MAGEL2: variants seen among roughly 807,000 people sequenced by gnomAD.
MAGEL2 encodes MAGE-like protein 2.
For missense variants in MAGEL2, 1,830 were observed against 1,699.2 expected (o/e 1.08, Z -1.35); for synonymous variants, 792 against 721.7 (o/e 1.10, Z -1.56).
rs772078014 is a variant in MAGEL2 at position 23,644,822 on chromosome 15, C to T, written c.2921G>A (p.Ser974Asn). The T allele has an allele frequency of 1.9e-6, 3 of 1,612,714 alleles. No individual in the cohort carries two copies. In the South Asian group the frequency reaches 3.3e-5, roughly 18 times the overall value. ...AGAGAGACCCAGGGCCCTGGAGGTG[C>T]TCGGGCCCTCCCAGGCACTCAGGGC... ...SWALSAWEGP[S>N]TSRALGLSES... is the part of the protein sequence containing the mutation. Residue 974 changes from serine to asparagine, a missense_variant, in exon 1 of 1, where the codon AGC becomes AAC. Transcript: ENST00000650528.
Position 23,644,137 on chromosome 15 carries a change from G to C in MAGEL2, c.3606C>G (p.Ala1202=), listed in dbSNP as rs1290056888. 6.2e-7 allele frequency: 1 copy of C among 1,613,926 alleles called. No individual in the cohort carries two copies. The highest frequency in any genetic ancestry group is 2.2e-5 in the East Asian group (1 of 44,882). ...TCTGTGGATCTTTCTTATGGAGCTT[G>C]GCCAAAAACCTCAGGACAAGCATCT... ...TSKMLVLRFL[A]KLHKKDPQSW... The change falls in exon 1 of 1, where the codon GCC becomes GCG. Residue 1202 remains alanine (A), a synonymous_variant. Transcript: ENST00000650528.
In MAGEL2 at chr15:23,645,772, T is replaced by C. The variant is rs755149237; in HGVS notation, c.1971A>G (p.Lys657=). 3.2e-6 allele frequency: 5 copies of C among 1,584,348 alleles called. No individual in the cohort carries two copies. Among genetic ancestry groups the C allele is most frequent in the East Asian group, 4.5e-5 (2 of 44,142 alleles). The stretch of plus-strand genomic sequence containing the variant: ...GGGGGGGTAGCTGGATTTGCACGGC[T>C]TTTTGGGAGGGCGGGGCTCCCTGAA... ...QPFQGAPPSQ[K]AVQIQLPPQQ... is the part of the protein sequence containing the mutation. The change falls in exon 1 of 1, where the codon AAA becomes AAG. Residue 657 remains lysine (K), a synonymous_variant. Transcript: ENST00000650528.
At position 23,646,043 on chromosome 15, in the gene MAGEL2, G is replaced by A. The variant is rs1234471459; in HGVS notation, c.1700C>T (p.Pro567Leu). ...AGACAGTGGGGCAGACAGCGGGGCC[G>A]GCAGCACAGGCTGGGGCACCTGCGG... ...AGPQVPQPVL[P>L]APLSAPLSAP... Residue 567 changes from proline to leucine, a missense_variant, in exon 1 of 1, where the codon CCG becomes CTG. Coordinates refer to ENST00000650528, the MANE Select transcript of MAGEL2 (RefSeq NM_019066.5). The surrounding 1 kb of genome is among the most constrained non-coding windows in gnomAD (Gnocchi z 4.2). 3 of 1,535,338 alleles carry A rather than the reference G, an allele frequency of 2.0e-6. No homozygotes were observed. The highest frequency in any genetic ancestry group is 1.8e-6 in the Non-Finnish European group (2 of 1,141,658).
chr15:23,645,753 G>C lies in MAGEL2; in HGVS notation c.1990C>G (p.Pro664Ala). ...CCCGATGCCTGGGCCTGCTGGGGGG[G>C]TAGCTGGATTTGCACGGCTTTTTGG... ...PSQKAVQIQL[P>A]PQQAQASGPQ... Residue 664 changes from proline (P) to alanine (A), a missense_variant, in exon 1 of 1, where the codon CCC becomes GCC. By Grantham distance (27) the Pro-to-Ala change is conservative. Coordinates refer to ENST00000650528, the MANE Select transcript of MAGEL2 (RefSeq NM_019066.5). 6.3e-7 allele frequency: 1 copy of C among 1,576,430 alleles called. No homozygotes were observed. The highest frequency in any genetic ancestry group is 8.6e-7 in the Non-Finnish European group (1 of 1,162,772).
At position 23,646,656 on chromosome 15, in the gene MAGEL2, C is replaced by G; in HGVS notation, c.1087G>C (p.Ala363Pro). ...GTCGCCTGCCAGCCCGGGGGTGTGG[C>G]TAGCTGCGCTGGGGGTGCCTGCGGG... The part of the protein sequence containing the change: ...QGPQAPPAQL[A>P]TPPGWQATSP... The change falls in exon 1 of 1, where the codon GCC (alanine) becomes CCC (proline). Residue 363 changes from alanine to proline, a missense_variant. Ala to Pro is a conservative substitution (Grantham distance 27). Coordinates refer to ENST00000650528, the MANE Select transcript of MAGEL2 (RefSeq NM_019066.5). The surrounding 1 kb of genome is among the most constrained non-coding windows in gnomAD (Gnocchi z 4.2). The G allele has an allele frequency of 6.7e-7, 1 of 1,495,342 alleles. No individual in the cohort carries two copies. The highest frequency in any genetic ancestry group is 2.1e-5 in the Admixed American group (1 of 46,848). 92.6% of individuals were successfully genotyped at this position (1,495,342 alleles called of 1,614,324 possible).
chr15:23,644,259 C>A lies in MAGEL2; in HGVS notation c.3484G>T (p.Val1162Phe). 2 of 1,613,802 alleles carry A rather than the reference C, an allele frequency of 1.2e-6. No homozygotes were observed. Among genetic ancestry groups the A allele is most frequent in the Non-Finnish European group, 1.7e-6 (2 of 1,179,886 alleles). The change falls in exon 1 of 1, where the codon GTC becomes TTC. Residue 1162 changes from valine (V) to phenylalanine (F), a missense_variant. Val to Phe is a conservative substitution (Grantham distance 50, BLOSUM62 -1). Transcript: ENST00000650528. ...CTGTACTCTAGGTACTTCTGCCTGA[C>A]AAACACTTCGGTGATGAGCTTCTTA... ...NTKKLITEVF[V>F]RQKYLEYRRI...
In MAGEL2 at chr15:23,644,959, G is replaced by A. The variant is rs189752384; in HGVS notation, c.2784C>T (p.Ile928=). The change falls in exon 1 of 1, where the codon ATC becomes ATT. Residue 928 remains isoleucine, a synonymous_variant. Coordinates refer to ENST00000650528, the MANE Select transcript of MAGEL2 (RefSeq NM_019066.5). ...NLSDWEVQSP[I]QVSGDWEHPN... is the part of the protein sequence containing the mutation. ...GGTGCTCCCAGTCACCCGAGACCTG[G>A]ATAGGGCTTTGGACCTCCCAGTCAC... 7,421 of 1,613,778 alleles carry A rather than the reference G, an allele frequency of 4.6e-3. 31 individuals carry two copies. Among genetic ancestry groups the A allele is most frequent in the Non-Finnish European group, 5.9e-3 (6,985 of 1,179,892 alleles).
chr15:23,647,368 C>T lies in MAGEL2; in HGVS notation c.375G>A (p.Pro125=), dbSNP rs1209191569. 5 of 1,536,350 alleles carry T rather than the reference C, an allele frequency of 3.3e-6. No individual in the cohort carries two copies. The highest frequency in any genetic ancestry group is 2.4e-5 in the East Asian group (1 of 40,820). ...PGAPMAQPPT[P]GVLMVHPSAP... ...CTGAAGGATGCACCATCAGGACTCC[C>T]GGGGTCGGAGGCTGGGCCATCGGGG... The change falls in exon 1 of 1, where the codon CCG becomes CCA. Residue 125 remains proline, a synonymous_variant. Transcript: ENST00000650528.
rs9785 is a variant in MAGEL2 at position 23,643,886 on chromosome 15, G to C, written c.*107C>G. 7.8e-7 allele frequency: 1 copy of C among 1,278,734 alleles called. No individual in the cohort carries two copies. Among genetic ancestry groups the C allele is most frequent in the Non-Finnish European group, 1.0e-6 (1 of 965,686 alleles). 79.2% of individuals were successfully genotyped at this position (1,278,734 alleles called of 1,614,324 possible). ...ACGAAACCAAGTTGAAAATCCAAAC[G>C]TACACTCGTGGAACTGGAACACAAA... On this transcript the variant is annotated 3_prime_UTR_variant, in exon 1 of 1. Transcript: ENST00000650528.
Position 23,647,449 on chromosome 15 carries a change from C to G in MAGEL2, c.294G>C (p.Pro98=). The G allele has an allele frequency of 6.5e-7, 1 of 1,535,160 alleles. No homozygotes were observed. Among genetic ancestry groups the G allele is most frequent in the East Asian group, 2.4e-5 (1 of 40,882 alleles). Reference sequence around the variant, plus strand: ...CCCCGGGAGTCGGAGGCTTACCCATCGGGCCCCCCAGCGGGGGAGCCGGGA... The same window carrying G: ...CCCCGGGAGTCGGAGGCTTACCCATGGGGCCCCCCAGCGGGGGAGCCGGGA... ...PIVPAPPLGG[P]MGKPPTPGVL... Residue 98 remains proline, a synonymous_variant, in exon 1 of 1, where the codon CCG becomes CCC. Coordinates refer to ENST00000650528, the MANE Select transcript of MAGEL2 (RefSeq NM_019066.5).
At position 23,645,122 on chromosome 15, in the gene MAGEL2, G is replaced by A. The variant is rs1890366558; in HGVS notation, c.2621C>T (p.Thr874Ile). Residue 874 changes from threonine (T) to isoleucine (I), a missense_variant, in exon 1 of 1, where the codon ACC becomes ATC. By Grantham distance (89) the Thr-to-Ile change is moderately conservative (BLOSUM62 -1). Coordinates refer to ENST00000650528, the MANE Select transcript of MAGEL2 (RefSeq NM_019066.5). ...ATATTQEASK[T>I]SVEPPRRSGK... ...GGAGCGGCGTGGCGGCTCGACGGAG[G>A]TCTTGGAGGCCTCTTGAGTGGTGGC... is the stretch of plus-strand genomic sequence containing the variant. The A allele has an allele frequency of 2.5e-6, 4 of 1,613,682 alleles. No homozygotes were observed. Among genetic ancestry groups the A allele is most frequent in the Non-Finnish European group, 2.5e-6 (3 of 1,179,910 alleles).
Position 23,645,104 on chromosome 15 carries a change from C to G in MAGEL2, c.2639G>C (p.Arg880Pro). The G allele has an allele frequency of 6.2e-7, 1 of 1,613,830 alleles. No homozygotes were observed. Among genetic ancestry groups the G allele is most frequent in the Non-Finnish European group, 8.5e-7 (1 of 1,179,900 alleles). ...CTTCCGGGTGGCCTTGCCGGAGCGG[C>G]GTGGCGGCTCGACGGAGGTCTTGGA... ...EASKTSVEPP[R>P]RSGKATRKKK... Residue 880 changes from arginine to proline, a missense_variant, in exon 1 of 1, where the codon CGC becomes CCC. Physicochemically the swap from Arg to Pro is moderately radical, Grantham distance 103. Transcript: ENST00000650528.
In MAGEL2 at chr15:23,647,668, G is replaced by A; in HGVS notation, c.75C>T (p.Arg25=). The A allele has an allele frequency of 1.3e-6, 2 of 1,530,526 alleles. No homozygotes were observed. The highest frequency in any genetic ancestry group is 1.7e-6 in the Non-Finnish European group (2 of 1,144,852). The allele number at this position is 1,530,526 out of a possible 1,614,324, so 94.8% of individuals were successfully genotyped here. The change falls in exon 1 of 1, where the codon CGC becomes CGT. Residue 25 remains arginine (R), a synonymous_variant. Coordinates refer to ENST00000650528, the MANE Select transcript of MAGEL2 (RefSeq NM_019066.5). ...GCGGGGCCCGCATCAGAACCGTAGGGCGGCTATAGACAGGCGGCTTCGGGG... is the reference window on the plus strand; with the variant it reads ...GCGGGGCCCGCATCAGAACCGTAGGACGGCTATAGACAGGCGGCTTCGGGG... ...AEAPKPPVYS[R]PTVLMRAPPA...
Position 23,646,248 on chromosome 15 carries a change from G to A in MAGEL2, c.1495C>T (p.Pro499Ser). The change falls in exon 1 of 1, where the codon CCC becomes TCC. Residue 499 changes from proline to serine, a missense_variant. Physicochemically the swap from Pro to Ser is moderately conservative, Grantham distance 74. Coordinates refer to ENST00000650528, the MANE Select transcript of MAGEL2 (RefSeq NM_019066.5). The surrounding 1 kb of genome is among the most constrained non-coding windows in gnomAD (Gnocchi z 4.2). ...AGGACCTGTGGGGCAGGTCGGATGG[G>A]CGGCGGCGCCTGGCGGATCAGCGGC... The part of the protein sequence containing the change: ...APPLIRQAPP[P>S]IRPAPQVLAT... 7.4e-7 allele frequency: 1 copy of A among 1,359,930 alleles called. No individual in the cohort carries two copies. Among genetic ancestry groups the A allele is most frequent in the South Asian group, 1.9e-5 (1 of 53,704 alleles). 84.2% of individuals were successfully genotyped at this position (1,359,930 alleles called of 1,614,324 possible). A position where few individuals can be genotyped will look rare whatever the true frequency, so the allele number is the denominator to read the frequency against.
In MAGEL2 at chr15:23,646,131, C is replaced by T; in HGVS notation, c.1612G>A (p.Ala538Thr). The change falls in exon 1 of 1, where the codon GCG becomes ACG. Residue 538 changes from alanine to threonine, a missense_variant. Ala to Thr is a moderately conservative substitution (Grantham distance 58, BLOSUM62 0). Coordinates refer to ENST00000650528, the MANE Select transcript of MAGEL2 (RefSeq NM_019066.5). The surrounding 1 kb of genome is among the most constrained non-coding windows in gnomAD (Gnocchi z 4.2). ...GGGGCCGTAGGCACCTGCGGCGCCGCCTGCACCTGCGGGGCCGGCAGCCTA... is the reference window on the plus strand; with the variant it reads ...GGGGCCGTAGGCACCTGCGGCGCCGTCTGCACCTGCGGGGCCGGCAGCCTA... ...QARLPAPQVQ[A>T]APQVPTAPPA... is the part of the protein sequence containing the mutation. The T allele has an allele frequency of 7.4e-7, 1 of 1,353,250 alleles. No homozygotes were observed. Among genetic ancestry groups the T allele is most frequent in the Non-Finnish European group, 9.4e-7 (1 of 1,061,208 alleles). The allele number at this position is 1,353,250 out of a possible 1,614,324, so 83.8% of individuals were successfully genotyped here.
Position 23,645,654 on chromosome 15 carries a change from G to T in MAGEL2, c.2089C>A (p.Pro697Thr). Residue 697 changes from proline to threonine, a missense_variant, in exon 1 of 1, where the codon CCC (proline) becomes ACC (threonine). Physicochemically the swap from Pro to Thr is conservative, Grantham distance 38. Coordinates refer to ENST00000650528, the MANE Select transcript of MAGEL2 (RefSeq NM_019066.5). The stretch of plus-strand genomic sequence containing the variant: ...TTTGCCGCTGCTACCGGGGGTCCGG[G>T]CTGGGCCTGCAAGACTGCAGGCGGT... ...QAPPAVLQAQPGPPVAAANFP... is the reference protein window; with the variant it reads ...QAPPAVLQAQTGPPVAAANFP... 1 of 1,577,554 alleles carries T rather than the reference G, an allele frequency of 6.3e-7. No individual in the cohort carries two copies. The highest frequency in any genetic ancestry group is 8.6e-7 in the Non-Finnish European group (1 of 1,163,866).
Position 23,643,964 on chromosome 15 carries a change from A to T in MAGEL2, c.*29T>A, listed in dbSNP as rs754299507. On this transcript the variant is annotated 3_prime_UTR_variant, in exon 1 of 1. Coordinates refer to ENST00000650528, the MANE Select transcript of MAGEL2 (RefSeq NM_019066.5). ...CTGTCAGTGGCCTCTGGCCAGGGAA[A>T]CACAGGAGCGAGATCTCTGCTACAC... 6.6e-7 allele frequency: 1 copy of T among 1,523,260 alleles called. No homozygotes were observed. The highest frequency in any genetic ancestry group is 8.8e-7 in the Non-Finnish European group (1 of 1,135,060). 94.4% of individuals were successfully genotyped at this position (1,523,260 alleles called of 1,614,324 possible). A position where few individuals can be genotyped will look rare whatever the true frequency, so the allele number is the denominator to read the frequency against.
At position 23,645,449 on chromosome 15, in the gene MAGEL2, G is replaced by C. The variant is rs766956336; in HGVS notation, c.2294C>G (p.Ala765Gly). ...TFCAPKAVSA[A>G]RAHLPAAWKN... Reference sequence around the variant, plus strand: ...CCAGGCAGCTGGCAGGTGTGCTCGCGCAGCTGACACTGCCTTGGGAGCACA... The same window carrying C: ...CCAGGCAGCTGGCAGGTGTGCTCGCCCAGCTGACACTGCCTTGGGAGCACA... The change falls in exon 1 of 1, where the codon GCG (alanine) becomes GGG (glycine). Residue 765 changes from alanine to glycine, a missense_variant. Coordinates refer to ENST00000650528, the MANE Select transcript of MAGEL2 (RefSeq NM_019066.5). The C allele has an allele frequency of 6.2e-7, 1 of 1,613,978 alleles. No homozygotes were observed. The highest frequency in any genetic ancestry group is 8.5e-7 in the Non-Finnish European group (1 of 1,179,900).
rs1416434306 is a variant in MAGEL2 at position 23,645,406 on chromosome 15, T to G, written c.2337A>C (p.Thr779=). The G allele has an allele frequency of 6.2e-7, 1 of 1,613,946 alleles. No individual in the cohort carries two copies. Among genetic ancestry groups the G allele is most frequent in the Non-Finnish European group, 8.5e-7 (1 of 1,179,874 alleles). The part of the protein sequence containing the change: ...LPAAWKNLPA[T]PETFAPSSSV... ...TTGAGGAGGGAGCAAAGGTCTCCGG[T>G]GTGGCAGGCAGGTTTTTCCAGGCAG... Residue 779 remains threonine (T), a synonymous_variant, in exon 1 of 1, where the codon ACA becomes ACC. Coordinates refer to ENST00000650528, the MANE Select transcript of MAGEL2 (RefSeq NM_019066.5).
Sources: gnomAD v4.1 joint callset for allele counts on GRCh38, gnomAD v4.1.1 for gene constraint, Gnocchi (gnomAD v3.1) non-coding constraint, MANE v1.5 for transcripts, NCBI Gene and HGNC (gene_info 2026-07-23, HGNC 2026-07-21) for gene names.